The following FTCDNL1 variants were observed in gnomAD, a reference collection of about 807,000 sequenced individuals.
FTCDNL1 encodes formiminotransferase N-terminal subdomain-containing protein.
FTCDNL1 carries 11 observed loss-of-function variants against 5.9 expected under a neutral mutation model. The observed-to-expected ratio is 1.87, with a 90% CI of 1.18 to 3.10. FTCDNL1 has a LOEUF of 3.10. FTCDNL1 is among the 30% of genes most tolerant of loss of function. The pLI, the probability that FTCDNL1 is intolerant of heterozygous loss-of-function variation, is 0.00. For missense variants in FTCDNL1, 115 were observed against 65.5 expected, an observed-to-expected ratio of 1.76 and a Z score of -2.61; for synonymous variants, 58 against 24.8, an observed-to-expected ratio of 2.34 and a Z score of -3.99.
At chr2:199,823,890 T>C (rs945338368) in intron 3 of FTCDNL1, among the ~76,000 whole-genome samples, 1 of 152,232 alleles carries the variant, frequency 6.6e-6, no homozygotes, top group Non-Finnish European at 1.5e-5. Context: ...GACTTCTCTC[T>C]AGCTATGAAA....
chr2:199,779,949 A>T (rs1699280364), intron 3 of FTCDNL1, among the ~76,000 whole-genome samples: 1 of 152,190 alleles, frequency 6.6e-6, no homozygotes, highest in South Asian at 2.1e-4. Context: ...CTGCAAAATG[A>T]GACACTTTGC....
At position 199,796,386 on chromosome 2, in the gene FTCDNL1, T is replaced by C. The variant is rs147645620; in HGVS notation, c.212-35551A>G. Among the ~76,000 whole-genome samples, 378 of 152,302 alleles carry C rather than the reference T, an allele frequency of 2.5e-3. 5 individuals are homozygous for C. Among genetic ancestry groups the C allele is most frequent in the African/African-American group, 8.6e-3 (356 of 41,572 alleles). On this transcript the variant is annotated intron_variant, in intron 3 of 3. Coordinates refer to the FTCDNL1 transcript ENST00000416668. ...TAGCCATCAAAATACACACATCCAA[T>C]GGACTTATCCTCAACTGAAGCATAT...
At chr2:199,778,074 T>C (rs17529462) in intron 3 of FTCDNL1, among the ~76,000 whole-genome samples, 2,633 of 152,218 alleles carry the variant, frequency 0.017, 29 homozygotes, top group Middle Eastern at 0.024. Flanking sequence ...TTAAAACAGG[T>C]GGTCCAAAAC....
intron 4 of FTCDNL1, among the ~76,000 whole-genome samples, chr2:199,815,114 G>C (rs984052480): frequency 6.6e-6 from 1 of 152,128 alleles, no homozygotes; most frequent in Non-Finnish European, 1.5e-5. Context: ...AAATGTTTAG[G>C]ATTTTAAATA....
chr2:199,839,350 G>A (rs2076519743), intron 3 of FTCDNL1, among the ~76,000 whole-genome samples: 2 of 152,106 alleles, frequency 1.3e-5, no homozygotes, highest in Admixed American at 6.6e-5. Flanking sequence ...TAATATAGAA[G>A]CCATAAAAAC....
intron 3 of FTCDNL1, among the ~76,000 whole-genome samples, chr2:199,803,282 G>T (rs1189520680): frequency 1.3e-5 from 2 of 151,118 alleles, no homozygotes; most frequent in African/African-American, 2.4e-5. Context: ...TCTGGAAGAA[G>T]TCTCAGGATC....
downstream of FTCDNL1, among the ~76,000 whole-genome samples, chr2:199,756,311 T>C (rs1698071439): frequency 1.3e-5 from 2 of 152,198 alleles, no homozygotes; most frequent in African/African-American, 4.8e-5. Flanking sequence ...GAATCTTTTC[T>C]TCAACGCTAA....
At chr2:199,782,595 G>A (rs1191842829) in intron 3 of FTCDNL1, among the ~76,000 whole-genome samples, 2 of 152,192 alleles carry the variant, frequency 1.3e-5, no homozygotes, top group Admixed American at 1.3e-4. Context: ...AATATACTGA[G>A]GGACTAGAGA....
chr2:199,690,948 C>A, the FTCDNL1 span, among the ~76,000 whole-genome samples: 5 of 152,184 alleles, frequency 3.3e-5, no homozygotes, highest in Middle Eastern at 3.4e-3. Flanking sequence ...AGCTTAAGCA[C>A]TTTGAATAAC....
chr2:199,749,266 A>G, the FTCDNL1 span, among the ~76,000 whole-genome samples: 1 of 152,196 alleles, frequency 6.6e-6, no homozygotes, highest in African/African-American at 2.4e-5. Flanking sequence ...TAGACAGCAG[A>G]TGCTTAATGG....
intron 3 of FTCDNL1, among the ~76,000 whole-genome samples, chr2:199,798,067 C>G (rs1193858870): frequency 6.6e-6 from 1 of 152,190 alleles, no homozygotes; most frequent in East Asian, 1.9e-4. Flanking sequence ...CCCTCTTTCC[C>G]CAGCCTCACA....
At chr2:199,711,769 C>A in the FTCDNL1 span, among the ~76,000 whole-genome samples, 1 of 152,218 alleles carries the variant, frequency 6.6e-6, no homozygotes, top group Non-Finnish European at 1.5e-5. Flanking sequence ...GCTGTCACCA[C>A]ACCTGGCTGG....
At chr2:199,765,900 C>A (rs1411373206) in intron 3 of FTCDNL1, among the ~76,000 whole-genome samples, 1 of 152,008 alleles carries the variant, frequency 6.6e-6, no homozygotes, top group Admixed American at 6.6e-5. Flanking sequence ...TGCCTTGACA[C>A]CCTGCTTTCT....
At chr2:199,807,961 CG>C (rs369085032), downstream of FTCDNL1, among the ~76,000 whole-genome samples, 384 of 152,072 alleles carry the variant, frequency 2.5e-3, no homozygotes, top group African/African-American at 8.7e-3. Context: ...ACTGAATTAT[CG>C]GGGGTGCATT....
the FTCDNL1 span, among the ~76,000 whole-genome samples, chr2:199,675,211 C>T: frequency 6.6e-6 from 1 of 152,124 alleles, no homozygotes; most frequent in Non-Finnish European, 1.5e-5. Flanking sequence ...CTCTTCTCTT[C>T]TACAGTTCCT....
intron 3 of FTCDNL1, among the ~76,000 whole-genome samples, chr2:199,793,284 T>G (rs1700016226): frequency 6.6e-6 from 1 of 152,118 alleles, no homozygotes; most frequent in South Asian, 2.1e-4. Flanking sequence ...AAAGGATAAA[T>G]AATCCAAGGC....
At chr2:199,681,910 T>A in the FTCDNL1 span, among the ~76,000 whole-genome samples, 1 of 138,214 alleles carries the variant, frequency 7.2e-6, no homozygotes, top group Non-Finnish European at 1.5e-5. Flanking sequence ...CCAAGGAGTG[T>A]GTGTGTGTGT....
rs1398708139 is a variant in FTCDNL1, at chr2:199,831,832, G to T, written c.212-12075C>A. On this transcript the variant is annotated intron_variant, in intron 3 of 4. Coordinates refer to ENST00000420128, the MANE Select transcript of FTCDNL1 (RefSeq NM_001363886.2). The stretch of plus-strand genomic sequence containing the variant: ...AGGTCTAATAAATAAATGGTTGTGA[G>T]GATTCTTTGTTCTATTACTGTCTTG... Among the ~76,000 whole-genome samples the T allele has an allele frequency of 3.9e-5, 6 of 152,062 alleles. No homozygotes were observed. The South Asian group carries it at 1.2e-3, about 32-fold the overall frequency.
the FTCDNL1 span, among the ~76,000 whole-genome samples, chr2:199,744,801 C>T: frequency 6.6e-6 from 1 of 152,208 alleles, no homozygotes; most frequent in Non-Finnish European, 1.5e-5. Flanking sequence ...CTCATATTAG[C>T]TCATTTCTTT....
Sources: allele counts gnomAD v4.1 joint callset (sites outside exome capture counted in the v4.1 genomes callset), GRCh38; gene constraint gnomAD v4.1.1; transcripts MANE v1.5; gene names NCBI Gene and HGNC (gene_info 2026-07-23, HGNC 2026-07-21).